TRIM2: variants seen among roughly 807,000 people sequenced by gnomAD.
TRIM2 encodes the protein tripartite motif-containing protein 2.
Under a neutral mutation model 75.2 loss-of-function variants are expected in TRIM2, and 20 were observed. The observed-to-expected ratio is 0.27, with a 90% CI of 0.19 to 0.39. The LOEUF is 0.39. TRIM2 is among the 10% of genes least tolerant of loss of function. TRIM2 has a pLI of 1.00. For missense variants in TRIM2, 660 were observed against 990.8 expected, an observed-to-expected ratio of 0.67 and a Z score of 4.48; for synonymous variants, 373 against 388.3, an observed-to-expected ratio of 0.96 and a Z score of 0.46.
At chr4:153,165,173 T>C (rs1730172903) in intron 1 of TRIM2, among the ~76,000 whole-genome samples, 1 of 152,172 alleles carries the variant, frequency 6.6e-6, no homozygotes, top group South Asian at 2.1e-4. Flanking sequence ...TGTTTGGGGC[T>C]TGCTTTTGTA....
chr4:153,274,986 G>A (rs1239049055), intron 2 of TRIM2, among the ~76,000 whole-genome samples: 1 of 152,178 alleles, frequency 6.6e-6, no homozygotes, highest in Non-Finnish European at 1.5e-5. Flanking sequence ...ATGGGGCTAG[G>A]TTGGTGTGTT....
At chr4:153,262,160 C>T (rs982627794) in intron 1 of TRIM2, among the ~76,000 whole-genome samples, 1 of 152,194 alleles carries the variant, frequency 6.6e-6, no homozygotes, top group Non-Finnish European at 1.5e-5. Flanking sequence ...TGCACAGATA[C>T]AGCCGATTTA....
At chr4:153,205,505 C>G (rs559612853) in intron 1 of TRIM2, among the ~76,000 whole-genome samples, 131 of 152,200 alleles carry the variant, frequency 8.6e-4, no homozygotes, top group Middle Eastern at 6.8e-3. Context: ...GAAAGTCCTC[C>G]TCCTCCTGCT....
chr4:153,233,433 T>C (rs1269985458), intron 1 of TRIM2, among the ~76,000 whole-genome samples: 1 of 151,906 alleles, frequency 6.6e-6, no homozygotes, highest in Non-Finnish European at 1.5e-5. Context: ...ACAGTCAAAT[T>C]CACCTTTTCT....
chr4:153,220,431 A>G (rs1371675213), intron 1 of TRIM2, among the ~76,000 whole-genome samples: 1 of 152,198 alleles, frequency 6.6e-6, no homozygotes, highest in East Asian at 1.9e-4. Flanking sequence ...TTAGTCTGAA[A>G]GTAAAAGAAA....
At chr4:153,221,978 GGAAGGAAGGGAGAGAGGAAGGAAGGAAA>G (rs1740459352) in intron 1 of TRIM2, among the ~76,000 whole-genome samples, 11 of 55,638 alleles carry the variant, frequency 2.0e-4, no homozygotes, top group Non-Finnish European at 3.3e-4. Context: ...AAGGGAGGAA[GGAAGGAAGGGAGAGAGGAAGGAAGGAAA>G]GAAGGAAGGA....
chr4:153,328,663 G>A lies in TRIM2; in HGVS notation c.2156G>A (p.Arg719Lys). 1.2e-6 allele frequency: 2 copies of A among 1,610,214 alleles called. No individual in the cohort carries two copies. The highest frequency in any genetic ancestry group is 1.7e-6 in the Non-Finnish European group (2 of 1,178,634). ...NIIVADWGNS[R>K]IQVFDGSGSF... is the part of the protein sequence containing the mutation. Reference sequence around the variant, plus strand: ...ATTGTGGCCGACTGGGGAAACAGCAGGATCCAGGTAGATCAATGTGCTAAT... The same window carrying A: ...ATTGTGGCCGACTGGGGAAACAGCAAGATCCAGGTAGATCAATGTGCTAAT... The change falls in exon 11 of 12, where the codon AGG (arginine) becomes AAG (lysine). Residue 719 changes from arginine to lysine, a missense_variant. Physicochemically the swap from Arg to Lys is conservative, Grantham distance 26 (BLOSUM62 2). Around this residue, in one of 2 missense-constraint regions of TRIM2, gnomAD observed 40 missense variants for 99.8 expected, o/e 0.40. Transcript: ENST00000338700.
At position 153,338,452 on chromosome 4, in the gene TRIM2, C is replaced by T. The variant is rs970891708; in HGVS notation, c.*3486C>T. The T allele has an allele frequency of 1.0e-6, 1 of 985,496 alleles. No individual in the cohort carries two copies. The highest frequency in any genetic ancestry group is 1.2e-6 in the Non-Finnish European group (1 of 829,834). The allele number at this position is 985,496 out of a possible 1,614,324, so 61.0% of individuals were successfully genotyped here. A position where few individuals can be genotyped will look rare whatever the true frequency, so the allele number is the denominator to read the frequency against. On this transcript the variant is annotated 3_prime_UTR_variant, in exon 12 of 12. Coordinates refer to ENST00000338700, the MANE Select transcript of TRIM2 (RefSeq NM_015271.5). ...AGGAAAAAATGAAAGCTATTTCATG[C>T]AAACATTATCTAATTTAGCTTAAAA...
At chr4:153,244,364 T>TTCCTCC (rs1560874468) in intron 1 of TRIM2, among the ~76,000 whole-genome samples, 1 of 30,728 alleles carries the variant, frequency 3.3e-5, no homozygotes, top group African/African-American at 2.6e-4. Context: ...CCTCTTCTTC[T>TTCCTCC]TCTTCTTCTT....
intron 1 of TRIM2, among the ~76,000 whole-genome samples, chr4:153,233,069 G>A (rs2149807776): frequency 1.3e-5 from 2 of 152,348 alleles, no homozygotes; most frequent in South Asian, 4.1e-4. Context: ...TGCGGCCTCT[G>A]AGTGAGTGAA....
At chr4:153,296,397 A>G (rs1762773480) in intron 6 of TRIM2, among the ~76,000 whole-genome samples, 1 of 152,118 alleles carries the variant, frequency 6.6e-6, no homozygotes, top group Non-Finnish European at 1.5e-5. Flanking sequence ...AAAATTGGCA[A>G]TCCTCCCCCT....
chr4:153,326,508 A>G (rs79487634), intron 10 of TRIM2, among the ~76,000 whole-genome samples: 9,909 of 152,284 alleles, frequency 0.065, 431 homozygotes, highest in Middle Eastern at 0.13. Context: ...TAAGTGTAAA[A>G]TGCATATCTA....
chr4:153,326,319 T>C (rs1579756994), intron 10 of TRIM2, among the ~76,000 whole-genome samples: 3 of 152,360 alleles, frequency 2.0e-5, no homozygotes, highest in South Asian at 4.1e-4. Context: ...TAGATTATTT[T>C]AGCTATTTAT....
At chr4:153,257,522 C>T in intron 1 of TRIM2, 7 of 1,277,696 alleles carry the variant, frequency 5.5e-6, no homozygotes, top group Non-Finnish European at 6.1e-6. Context: ...CTCCATTTTT[C>T]TCTTCCTCTG....
chr4:153,270,961 C>T (rs1756531981), intron 2 of TRIM2, among the ~76,000 whole-genome samples: 2 of 152,084 alleles, frequency 1.3e-5, no homozygotes, highest in African/African-American at 2.4e-5. Context: ...TTCAAAGATT[C>T]TTCAGACACA....
intron 3 of TRIM2, among the ~76,000 whole-genome samples, chr4:153,280,931 G>A (rs184020300): frequency 2.4e-3 from 358 of 151,892 alleles, no homozygotes; most frequent in African/African-American, 8.1e-3. Flanking sequence ...TGATCTGCCC[G>A]CCTCGGCCTC....
At position 153,221,980 on chromosome 4, in the gene TRIM2, A is replaced by AGAG. The variant is rs1740465464; in HGVS notation, c.30+17420_30+17421insGAG. ...GGAAAGAGGGAGGAAGGGAGGAAGG[A>AGAG]AGGAAGGGAGAGAGGAAGGAAGGAA... is the stretch of plus-strand genomic sequence containing the variant. On this transcript the variant is annotated intron_variant, in intron 1 of 11. Transcript: ENST00000338700. Among the ~76,000 whole-genome samples, 3 of 42,682 alleles carry AGAG rather than the reference A, an allele frequency of 7.0e-5. No individual in the cohort carries two copies. The South Asian group carries it at 3.1e-3, about 44-fold the overall frequency. The allele number at this position is 42,682 out of a possible 152,430, so 28.0% of individuals were successfully genotyped here.
At chr4:153,178,281 T>C (rs898393615) in intron 1 of TRIM2, among the ~76,000 whole-genome samples, 2 of 152,176 alleles carry the variant, frequency 1.3e-5, no homozygotes, top group African/African-American at 4.8e-5. Context: ...CCTCCTGCCA[T>C]CTCAAGCATG....
At chr4:153,225,309 C>T (rs933377265) in intron 1 of TRIM2, among the ~76,000 whole-genome samples, 3 of 152,168 alleles carry the variant, frequency 2.0e-5, no homozygotes, top group African/African-American at 7.2e-5. Context: ...GGGTCAGCAC[C>T]TGGCAAATGC....
Sources: allele counts gnomAD v4.1 joint callset (sites outside exome capture counted in the v4.1 genomes callset), GRCh38; gene constraint gnomAD v4.1.1; regional missense constraint gnomAD v4.1.1; transcripts MANE v1.5; gene names NCBI Gene and HGNC (gene_info 2026-07-23, HGNC 2026-07-21).